Variants in NRXN1 observed in about 807,000 individuals in gnomAD.
NRXN1 encodes the protein neurexin 1.
A neutral mutation model predicts 150.9 loss-of-function variants in NRXN1; 39 were observed. The ratio of observed to expected loss-of-function variants is 0.26; its 90% confidence interval spans 0.20 to 0.34. The LOEUF (loss-of-function observed/expected upper bound fraction) is 0.34. NRXN1 is among the 10% of genes least tolerant of loss of function. The pLI is 1.00. For synonymous variants in NRXN1, 924 were observed against 757.0 expected (o/e 1.22, Z -3.62); for missense variants, 1,815 against 1,949.9 (o/e 0.93, Z 1.30).
rs555576959 is a variant in NRXN1, at chr2:50,196,724, G to T, written c.3546+40065C>A. 9.2e-5 allele frequency among the ~76,000 whole-genome samples: 14 copies of T among 152,218 alleles called. No homozygotes were observed. In the South Asian group the frequency reaches 2.7e-3, roughly 29 times the overall value. On this transcript the variant is annotated intron_variant, in intron 18 of 22. Transcript: ENST00000401669. The stretch of plus-strand genomic sequence containing the variant: ...TATTTCTATTTTAAAATGTTTTGCA[G>T]CCATAAAAACAAATGAGATCATGTC...
chr2:50,637,343 A>T (rs1683379337), intron 5 of NRXN1, among the ~76,000 whole-genome samples: 1 of 152,130 alleles, frequency 6.6e-6, no homozygotes, highest in Non-Finnish European at 1.5e-5. Context: ...TGGTTTGAGT[A>T]CTGTTTTCTC....
chr2:50,670,811 T>A (rs1389958443), intron 5 of NRXN1, among the ~76,000 whole-genome samples: 1 of 151,914 alleles, frequency 6.6e-6, no homozygotes, highest in Non-Finnish European at 1.5e-5. Flanking sequence ...AGATTGAGGT[T>A]ATGCATTTAT....
chr2:50,060,939 T>A (rs1694436818), intron 19 of NRXN1, among the ~76,000 whole-genome samples: 1 of 152,158 alleles, frequency 6.6e-6, no homozygotes, highest in Non-Finnish European at 1.5e-5. Flanking sequence ...TGAAGACACA[T>A]CTAAATAAAG....
At chr2:49,931,113 C>T (rs1670055291) in intron 22 of NRXN1, among the ~76,000 whole-genome samples, 1 of 152,114 alleles carries the variant, frequency 6.6e-6, no homozygotes, top group African/African-American at 2.4e-5. Context: ...GCCTGGGAGA[C>T]AGAGCAAGAA....
At chr2:50,067,272 T>G (rs747800932) in intron 19 of NRXN1, among the ~76,000 whole-genome samples, 3 of 152,180 alleles carry the variant, frequency 2.0e-5, no homozygotes, top group Non-Finnish European at 4.4e-5. Flanking sequence ...TTATGTGGAT[T>G]TACATTAAGA....
rs1021080552 is a variant in NRXN1 at position 50,258,956 on chromosome 2, C to G, written c.3365-21986G>C. ...GGCTCAAAGTGTTCAGTAAATCATG[C>G]TGTAAACAGCATGTCATTCACTCTT... On this transcript the variant is annotated intron_variant, in intron 17 of 22. Transcript: ENST00000401669. 7.9e-5 allele frequency among the ~76,000 whole-genome samples: 12 copies of G among 152,136 alleles called. 1 individual carries two copies. Among genetic ancestry groups the G allele is most frequent in the Admixed American group, 7.9e-4 (12 of 15,236 alleles).
intron 5 of NRXN1, among the ~76,000 whole-genome samples, chr2:50,627,048 T>A (rs1681225048): frequency 1.3e-5 from 2 of 151,916 alleles, no homozygotes. Context: ...TACCATTTCA[T>A]AGCCATGAAA....
intron 19 of NRXN1, among the ~76,000 whole-genome samples, chr2:50,062,256 T>C (rs1694658099): frequency 6.6e-6 from 1 of 152,040 alleles, no homozygotes; most frequent in Non-Finnish European, 1.5e-5. Flanking sequence ...TGGGAGCTGA[T>C]TAGGTCATGA....
chr2:50,927,877 T>G (rs1229603195), intron 2 of NRXN1, among the ~76,000 whole-genome samples: 2 of 151,308 alleles, frequency 1.3e-5, no homozygotes, highest in Admixed American at 1.3e-4. Flanking sequence ...AAAACTACAA[T>G]TAAAAAAAAA....
chr2:50,646,343 C>A (rs1684812084), intron 5 of NRXN1, among the ~76,000 whole-genome samples: 1 of 152,024 alleles, frequency 6.6e-6, no homozygotes, highest in Non-Finnish European at 1.5e-5. Context: ...CTGTTCCAGG[C>A]AGATGCTGCA....
intron 18 of NRXN1, among the ~76,000 whole-genome samples, chr2:50,219,690 C>A (rs543992752): frequency 4.7e-5 from 7 of 150,358 alleles, no homozygotes; most frequent in Non-Finnish European, 7.4e-5. Flanking sequence ...AGTTAGAGAC[C>A]AACCTGGGCA....
intron 18 of NRXN1, among the ~76,000 whole-genome samples, chr2:50,194,966 A>C (rs2152827071): frequency 6.6e-6 from 1 of 152,300 alleles, no homozygotes; most frequent in Non-Finnish European, 1.5e-5. Flanking sequence ...CCTGTAATAA[A>C]TTTGAGGCCA....
intron 19 of NRXN1, among the ~76,000 whole-genome samples, chr2:50,081,374 C>A (rs1372644290): frequency 6.6e-6 from 1 of 152,000 alleles, no homozygotes; most frequent in Non-Finnish European, 1.5e-5. Flanking sequence ...GTCAAGAGAT[C>A]GCGACCATCC....
chr2:50,687,165 A>G lies in NRXN1; in HGVS notation c.833-63550T>C, dbSNP rs188840950. 2.1e-3 allele frequency among the ~76,000 whole-genome samples: 323 copies of G among 152,308 alleles called. 1 individual carries two copies. In the Middle Eastern group the frequency reaches 0.027, roughly 13 times the overall value. On this transcript the variant is annotated intron_variant, in intron 5 of 22. Transcript: ENST00000401669. ...TACAACCAAATTATAGGAAAAAGTCAGTAGGGTATTTAAAGATGGGATTAG... is the reference window on the plus strand; with the variant it reads ...TACAACCAAATTATAGGAAAAAGTCGGTAGGGTATTTAAAGATGGGATTAG...
At chr2:50,456,297 G>A (rs1169501078) in intron 17 of NRXN1, among the ~76,000 whole-genome samples, 2 of 152,034 alleles carry the variant, frequency 1.3e-5, no homozygotes, top group Non-Finnish European at 2.9e-5. Flanking sequence ...GGGAGATTAA[G>A]CCTCACACTC....
chr2:50,668,961 G>T (rs1260095068), intron 5 of NRXN1, among the ~76,000 whole-genome samples: 1 of 151,900 alleles, frequency 6.6e-6, no homozygotes, highest in African/African-American at 2.4e-5. Flanking sequence ...AATAAAAATC[G>T]CTGAGGATGG....
intron 5 of NRXN1, among the ~76,000 whole-genome samples, chr2:50,741,913 T>C (rs1699473452): frequency 1.3e-5 from 2 of 152,178 alleles, no homozygotes; most frequent in Non-Finnish European, 2.9e-5. Flanking sequence ...CTCTGAGAAC[T>C]GGGAGTCTAC....
Position 50,347,088 on chromosome 2 carries a change from C to T in NRXN1, c.3365-110118G>A. The T allele has an allele frequency of 7.2e-7, 1 of 1,385,082 alleles. No homozygotes were observed. 85.8% of individuals were successfully genotyped at this position (1,385,082 alleles called of 1,614,324 possible). ...CACCGCGCCAGGGCACCCATCCTCT[C>T]CCTCCTTCGGACAGTCTTCTCGGGG... On this transcript the variant is annotated intron_variant, in intron 17 of 22. Transcript: ENST00000401669. This position sits in a 1 kb window ranked among gnomAD's most constrained non-coding sequence, Gnocchi z 4.9.
chr2:50,706,088 G>T (rs183580745), intron 5 of NRXN1, among the ~76,000 whole-genome samples: 166 of 152,272 alleles, frequency 1.1e-3, no homozygotes, highest in South Asian at 2.3e-3. Flanking sequence ...TCATTCTGGT[G>T]TCTACTAGAC....
Sources: allele counts gnomAD v4.1 joint callset (sites outside exome capture counted in the v4.1 genomes callset), GRCh38; gene constraint gnomAD v4.1.1; non-coding constraint Gnocchi (gnomAD v3.1); transcripts MANE v1.5; gene names NCBI Gene and HGNC (gene_info 2026-07-23, HGNC 2026-07-21).